ENOX1: variants seen among roughly 807,000 people sequenced by gnomAD.
ENOX1 encodes the protein candidate growth-related and time keeping constitutive hydroquinone (NADH) oxidase.
ENOX1 carries 42 observed loss-of-function variants against 82.5 expected under a neutral mutation model. The observed-to-expected ratio is 0.51, with a 90% confidence interval of 0.40 to 0.66. ENOX1 has a LOEUF of 0.66. Ranked by LOEUF, ENOX1 falls within the 30% of genes least tolerant of loss-of-function variation. ENOX1 has a pLI of 0.00. For synonymous variants in ENOX1, 271 were observed against 282.2 expected, an observed-to-expected ratio of 0.96 and a Z score of 0.40; for missense variants, 608 against 811.6, an observed-to-expected ratio of 0.75 and a Z score of 3.05.
chr13:43,589,216 G>GAAAAAAAAAAAAA (rs58912569), intron 2 of ENOX1, among the ~76,000 whole-genome samples: 2 of 79,766 alleles, frequency 2.5e-5, no homozygotes, highest in Non-Finnish European at 4.5e-5. Flanking sequence ...GACATTAATG[G>GAAAAAAAAAAAAA]AAAAAAAAAA....
chr13:43,587,719 C>T (rs1427199782), intron 2 of ENOX1, among the ~76,000 whole-genome samples: 1 of 152,148 alleles, frequency 6.6e-6, no homozygotes, highest in Non-Finnish European at 1.5e-5. Context: ...AGACTGAAAT[C>T]AGAGCTTCTG....
At chr13:43,528,675 C>A (rs1163669241) in intron 2 of ENOX1, among the ~76,000 whole-genome samples, 1 of 151,918 alleles carries the variant, frequency 6.6e-6, no homozygotes, top group Non-Finnish European at 1.5e-5. Context: ...AGGTTTTGTA[C>A]CTCTAAAAGT....
chr13:43,702,179 T>C lies in ENOX1; in HGVS notation c.-284-34635A>G, dbSNP rs556945264. ...GTTGCTGCACGTATCAATGGTTCATTTGTACTCTTTTTAGTGCTCTGAAAT... is the reference window on the plus strand; with the variant it reads ...GTTGCTGCACGTATCAATGGTTCATCTGTACTCTTTTTAGTGCTCTGAAAT... On this transcript the variant is annotated intron_variant, in intron 1 of 16. Transcript: ENST00000690772. Among the ~76,000 whole-genome samples, 6 of 152,350 alleles carry C rather than the reference T, an allele frequency of 3.9e-5. No individual in the cohort carries two copies. The East Asian group carries it at 7.7e-4, about 20-fold the overall frequency.
intron 3 of ENOX1, among the ~76,000 whole-genome samples, chr13:43,426,173 T>C (rs1290933407): frequency 1.3e-5 from 2 of 152,166 alleles, no homozygotes; most frequent in Non-Finnish European, 2.9e-5. Flanking sequence ...TCGAATGCCA[T>C]TCCGTTATTT....
intron 1 of ENOX1, among the ~76,000 whole-genome samples, chr13:43,710,927 T>C (rs1038018376): frequency 2.4e-4 from 36 of 152,106 alleles, no homozygotes; most frequent in African/African-American, 8.5e-4. Flanking sequence ...TAAATTATTA[T>C]TATTATACTT....
chr13:43,751,621 A>C (rs1305241361), intron 1 of ENOX1, among the ~76,000 whole-genome samples: 1 of 152,136 alleles, frequency 6.6e-6, no homozygotes, highest in African/African-American at 2.4e-5. Context: ...AATATAGGGA[A>C]TCATGCAATA....
At chr13:43,260,894 A>G (rs1187694492) in intron 14 of ENOX1, among the ~76,000 whole-genome samples, 5 of 152,216 alleles carry the variant, frequency 3.3e-5, no homozygotes, top group East Asian at 1.9e-4. Context: ...TTACACTTAA[A>G]TGGTTGACTT....
At chr13:43,366,526 T>C (rs1343458723) in intron 5 of ENOX1, among the ~76,000 whole-genome samples, 1 of 152,242 alleles carries the variant, frequency 6.6e-6, no homozygotes, top group African/African-American at 2.4e-5. Flanking sequence ...TCTGCCTGCC[T>C]TGGCCTCCCA....
intron 2 of ENOX1, among the ~76,000 whole-genome samples, chr13:43,616,178 C>CTAGATAGATAGA (rs2082449501): frequency 1.5e-4 from 1 of 6,574 alleles, no homozygotes; most frequent in Non-Finnish European, 2.6e-4. Context: ...ATCTATCTAT[C>CTAGATAGATAGA]TATCTATCTA....
chr13:43,541,417 C>T (rs1262880379), intron 2 of ENOX1, among the ~76,000 whole-genome samples: 1 of 151,992 alleles, frequency 6.6e-6, no homozygotes, highest in Non-Finnish European at 1.5e-5. Flanking sequence ...GGGAAGATCA[C>T]TTAGGGCCAG....
chr13:43,582,230 G>A (rs891046269), intron 2 of ENOX1, among the ~76,000 whole-genome samples: 1 of 151,696 alleles, frequency 6.6e-6, no homozygotes, highest in Non-Finnish European at 1.5e-5. Context: ...TTAATAACAT[G>A]CAGAAAATAA....
At chr13:43,593,801 T>C (rs1482953528) in intron 2 of ENOX1, among the ~76,000 whole-genome samples, 2 of 152,102 alleles carry the variant, frequency 1.3e-5, no homozygotes, top group African/African-American at 2.4e-5. Context: ...TCTTAACTTA[T>C]CCTTCTTCTA....
intron 2 of ENOX1, among the ~76,000 whole-genome samples, chr13:43,667,215 ACT>A (rs1314410175): frequency 6.6e-6 from 1 of 152,030 alleles, no homozygotes; most frequent in Admixed American, 6.6e-5. Context: ...CTTTATGAAA[ACT>A]CTATAGAAGT....
At chr13:43,750,669 C>G (rs2153830863) in intron 1 of ENOX1, among the ~76,000 whole-genome samples, 1 of 152,258 alleles carries the variant, frequency 6.6e-6, no homozygotes, top group East Asian at 1.9e-4. Flanking sequence ...CCCTCTACAT[C>G]AACAGGTAGG....
intron 3 of ENOX1, among the ~76,000 whole-genome samples, chr13:43,479,663 A>C (rs866627820): frequency 2.0e-5 from 3 of 152,362 alleles, no homozygotes; most frequent in Middle Eastern, 6.8e-3. Context: ...CTAAAAAATA[A>C]ATGTAATCTC....
intron 1 of ENOX1, among the ~76,000 whole-genome samples, chr13:43,678,973 G>A (rs9316052): frequency 0.088 from 13,387 of 152,158 alleles, 932 homozygotes; most frequent in African/African-American, 0.19. Context: ...GAGATAGGTT[G>A]TTATGCATAG....
At chr13:43,241,585 A>C (rs1053826092) in intron 14 of ENOX1, among the ~76,000 whole-genome samples, 1 of 152,204 alleles carries the variant, frequency 6.6e-6, no homozygotes, top group Non-Finnish European at 1.5e-5. Flanking sequence ...CAGACTAGAA[A>C]ATGCACTGCA....
intron 2 of ENOX1, among the ~76,000 whole-genome samples, chr13:43,503,945 A>G (rs2077063312): frequency 1.3e-5 from 2 of 151,792 alleles, no homozygotes; most frequent in South Asian, 4.1e-4. Flanking sequence ...ATGGGGGAAA[A>G]TAATTTATCT....
intron 2 of ENOX1, among the ~76,000 whole-genome samples, chr13:43,543,628 G>C (rs2078840432): frequency 6.6e-6 from 1 of 150,478 alleles, no homozygotes; most frequent in Non-Finnish European, 1.5e-5. Context: ...GAACAAAATA[G>C]TAAGTTTTTT....
Sources: allele counts gnomAD v4.1 joint callset (sites outside exome capture counted in the v4.1 genomes callset), GRCh38; gene constraint gnomAD v4.1.1; transcripts MANE v1.5; gene names NCBI Gene and HGNC (gene_info 2026-07-23, HGNC 2026-07-21).